Variants in XXYLT1 observed in about 807,000 individuals in gnomAD.
The protein encoded by XXYLT1 is UDP-xylose:alpha-xyloside alpha-1,3-xylosyltransferase.
In XXYLT1, 20 loss-of-function variants were observed where a neutral mutation model predicts 28.9. The observed-to-expected ratio is 0.69, with a 90% CI of 0.49 to 1.00. The LOEUF (loss-of-function observed/expected upper bound fraction) is 1.00, where lower values mean the gene tolerates loss of function less well. XXYLT1 is among the 50% of genes least tolerant of loss of function. The pLI is 0.00. For missense variants in XXYLT1, 542 were observed against 560.1 expected (o/e 0.97, Z 0.33); for synonymous variants, 257 against 253.8 (o/e 1.01, Z -0.12).
chr3:195,081,627 G>A (rs1468924884), intron 3 of XXYLT1, among the ~76,000 whole-genome samples: 1 of 152,238 alleles, frequency 6.6e-6, no homozygotes, highest in Admixed American at 6.5e-5. Flanking sequence ...CACTGGAGAA[G>A]GCACTCAAAC....
Position 195,221,748 on chromosome 3 carries a change from T to C in XXYLT1, c.652+4961A>G, listed in dbSNP as rs1723834730. 2.0e-5 allele frequency among the ~76,000 whole-genome samples: 3 copies of C among 152,066 alleles called. No homozygotes were observed. The South Asian group carries it at 6.2e-4, about 31-fold the overall frequency. ...AGCTCCAGTGCGGCAAAAAATGTTT[T>C]TTTTTTTCCATTGCATAAGATGCTT... On this transcript the variant is annotated intron_variant, in intron 2 of 3. Transcript: ENST00000310380.
intron 2 of XXYLT1, among the ~76,000 whole-genome samples, chr3:195,200,915 T>A (rs1004725251): frequency 1.3e-5 from 2 of 152,110 alleles, no homozygotes; most frequent in East Asian, 1.9e-4. Context: ...AGTTTAGAAG[T>A]GAAGAAAATC....
At chr3:195,265,662 AG>A (rs1441228541) in intron 1 of XXYLT1, among the ~76,000 whole-genome samples, 4 of 152,224 alleles carry the variant, frequency 2.6e-5, no homozygotes, top group African/African-American at 7.2e-5. Flanking sequence ...AAGTCAGTAG[AG>A]TAGAACCATG....
Position 195,076,620 on chromosome 3 carries a change from C to T in XXYLT1, c.786-6509G>A, listed in dbSNP as rs1030007110. Among the ~76,000 whole-genome samples, 2 of 152,168 alleles carry T rather than the reference C, an allele frequency of 1.3e-5. No homozygotes were observed. The highest frequency in any genetic ancestry group is 2.9e-5 in the Non-Finnish European group (2 of 68,022). ...CTTCAGCAGCAGAAAGGTGCTGCCTCTCCGTTCGGCGGGCTGGAAGTCCAA... is the reference window on the plus strand; with the variant it reads ...CTTCAGCAGCAGAAAGGTGCTGCCTTTCCGTTCGGCGGGCTGGAAGTCCAA... On this transcript the variant is annotated intron_variant, in intron 3 of 3. Transcript: ENST00000310380. This position sits in a 1 kb window ranked among gnomAD's most constrained non-coding sequence, Gnocchi z 5.3.
chr3:195,107,505 GGAA>G (rs1236050726), intron 3 of XXYLT1, among the ~76,000 whole-genome samples: 1 of 58,314 alleles, frequency 1.7e-5, no homozygotes, highest in African/African-American at 5.6e-5. Context: ...GAAAGGAGGA[GGAA>G]GAAGAAGAAG....
Position 195,193,330 on chromosome 3 carries a change from G to A in XXYLT1, c.652+33379C>T, listed in dbSNP as rs1722500513. 2.0e-5 allele frequency among the ~76,000 whole-genome samples: 3 copies of A among 150,872 alleles called. No homozygotes were observed. The East Asian group carries it at 5.8e-4, about 29-fold the overall frequency. Reference sequence around the variant, plus strand: ...ATTCCTAAAATAATAAAATACTTAGGAATAAACTTAATAAAAGGAGTACAA... The same window carrying A: ...ATTCCTAAAATAATAAAATACTTAGAAATAAACTTAATAAAAGGAGTACAA... On this transcript the variant is annotated intron_variant, in intron 2 of 3. Coordinates refer to ENST00000310380, the MANE Select transcript of XXYLT1 (RefSeq NM_152531.5).
chr3:195,148,496 G>A (rs2279633), intron 3 of XXYLT1, among the ~76,000 whole-genome samples: 25,372 of 151,936 alleles, frequency 0.17, 2,425 homozygotes, highest in East Asian at 0.41. Context: ...ATCTTCAGGT[G>A]TCAGAGAGAC....
chr3:195,233,587 A>C (rs1481483342), intron 1 of XXYLT1, among the ~76,000 whole-genome samples: 2 of 152,226 alleles, frequency 1.3e-5, no homozygotes, highest in Admixed American at 1.3e-4. Context: ...CTGATGACAA[A>C]TTAACACTGA....
chr3:195,143,847 TATATATAGATATATATAG>T (rs1560117182), intron 3 of XXYLT1, among the ~76,000 whole-genome samples: 3 of 71,352 alleles, frequency 4.2e-5, no homozygotes, highest in African/African-American at 1.5e-4. Flanking sequence ...GATATAGATA[TATATATAGATATATATAG>T]ATATAGATAT....
chr3:195,180,441 C>T lies in XXYLT1; in HGVS notation c.653-23860G>A. On this transcript the variant is annotated intron_variant, in intron 2 of 3. Transcript: ENST00000310380. This position sits in a 1 kb window ranked among gnomAD's most constrained non-coding sequence, Gnocchi z 5.8. ...TCCCGAGCTGTTTCCTGCTGCTTTT[C>T]TCATTTCATGAACTTCTTTTGAACA... 2 of 985,732 alleles carry T rather than the reference C, an allele frequency of 2.0e-6. No homozygotes were observed. Among genetic ancestry groups the T allele is most frequent in the Non-Finnish European group, 2.4e-6 (2 of 830,138 alleles). 61.1% of individuals were successfully genotyped at this position (985,732 alleles called of 1,614,324 possible).
chr3:195,189,099 C>A (rs985859310), intron 2 of XXYLT1, among the ~76,000 whole-genome samples: 5 of 152,142 alleles, frequency 3.3e-5, no homozygotes, highest in Non-Finnish European at 7.4e-5. Context: ...TCAAATTTCC[C>A]AAGAGCTTTA....
intron 1 of XXYLT1, chr3:195,259,486 C>A: frequency 4.0e-6 from 3 of 741,198 alleles, no homozygotes; most frequent in Non-Finnish European, 4.9e-6. Flanking sequence ...TGAGGAAGGG[C>A]AGCAGGGAGG....
At chr3:195,270,159 G>A (rs142830556) in intron 1 of XXYLT1, 20 of 455,270 alleles carry the variant, frequency 4.4e-5, no homozygotes, top group Middle Eastern at 3.2e-4. Flanking sequence ...CTCTCCAGTT[G>A]CTCAGGATGA....
intron 2 of XXYLT1, among the ~76,000 whole-genome samples, chr3:195,213,861 T>A (rs1723440671): frequency 6.6e-6 from 1 of 152,224 alleles, no homozygotes; most frequent in African/African-American, 2.4e-5. Flanking sequence ...TATTCCCATT[T>A]TACAGACAAA....
intron 3 of XXYLT1, among the ~76,000 whole-genome samples, chr3:195,125,657 T>C (rs1376498087): frequency 6.6e-6 from 1 of 152,216 alleles, no homozygotes; most frequent in African/African-American, 2.4e-5. Context: ...CGCTTCCAAA[T>C]GCAAATTATC....
At position 195,200,230 on chromosome 3, in the gene XXYLT1, C is replaced by T. The variant is rs546648046; in HGVS notation, c.652+26479G>A. On this transcript the variant is annotated intron_variant, in intron 2 of 3. Coordinates refer to ENST00000310380, the MANE Select transcript of XXYLT1 (RefSeq NM_152531.5). ...GGCGCTCTGGAAAGCCGTGAAGCAG[C>T]GTGGCGAAGCACCCAGGAGCTGTAG... Among the ~76,000 whole-genome samples the T allele has an allele frequency of 5.9e-5, 9 of 152,336 alleles. No homozygotes were observed. In the South Asian group the frequency reaches 1.2e-3, roughly 21 times the overall value.
At chr3:195,157,861 G>A (rs1462704515) in intron 2 of XXYLT1, among the ~76,000 whole-genome samples, 1 of 152,186 alleles carries the variant, frequency 6.6e-6, no homozygotes, top group Non-Finnish European at 1.5e-5. Context: ...TTGACCCTGT[G>A]ACCCAGGGAA....
chr3:195,198,520 C>T (rs1202311592), intron 2 of XXYLT1, among the ~76,000 whole-genome samples: 3 of 152,128 alleles, frequency 2.0e-5, no homozygotes, highest in Non-Finnish European at 4.4e-5. Flanking sequence ...AACTTCCCAA[C>T]CGAAGCCACC....
At chr3:195,258,139 G>A (rs1352273548) in intron 1 of XXYLT1, among the ~76,000 whole-genome samples, 1 of 152,160 alleles carries the variant, frequency 6.6e-6, no homozygotes, top group Non-Finnish European at 1.5e-5. Context: ...GTCACACAGA[G>A]GTCACATCCT....
Sources: gnomAD v4.1 joint callset for allele counts (sites outside exome capture counted in the v4.1 genomes callset) on GRCh38, gnomAD v4.1.1 for gene constraint, Gnocchi (gnomAD v3.1) non-coding constraint, MANE v1.5 for transcripts, NCBI Gene and HGNC (gene_info 2026-07-23, HGNC 2026-07-21) for gene names.